The following CHLSN variants were observed in gnomAD, a reference collection of about 807,000 sequenced individuals.
The protein encoded by CHLSN is cholesin.
the CHLSN span, among the ~76,000 whole-genome samples, chr7:1,019,212 C>CGGGG: frequency 5.3e-5 from 1 of 18,782 alleles, no homozygotes; most frequent in Non-Finnish European, 1.2e-4. Flanking sequence ...AAAAAAAAAA[C>CGGGG]GGGGGGGGGG....
the CHLSN span, among the ~76,000 whole-genome samples, chr7:1,135,930 A>AAT: frequency 5.8e-3 from 709 of 121,904 alleles, 7 homozygotes; most frequent in Middle Eastern, 0.028. Context: ...AGTATATATA[A>AAT]ATATATAAGT....
chr7:1,006,274 C>G, the CHLSN span, among the ~76,000 whole-genome samples: 140 of 152,256 alleles, frequency 9.2e-4, no homozygotes, highest in African/African-American at 3.1e-3. Flanking sequence ...GCTGGGAAAA[C>G]GAGGGGACAG....
chr7:1,132,431 G>A, the CHLSN span, among the ~76,000 whole-genome samples: 6 of 152,218 alleles, frequency 3.9e-5, no homozygotes, highest in Middle Eastern at 6.8e-3. Context: ...TGTGGCTCAC[G>A]CCTCTAATCC....
the CHLSN span, among the ~76,000 whole-genome samples, chr7:1,067,894 T>G: frequency 0.06 from 8,341 of 139,860 alleles, 368 homozygotes; most frequent in Non-Finnish European, 0.081. Flanking sequence ...TCACACAGGC[T>G]GGAGTGCACC....
the CHLSN span, chr7:1,127,481 TAA>T: frequency 1.6e-3 from 1,423 of 910,848 alleles, no homozygotes; most frequent in South Asian, 2.0e-3. Flanking sequence ...ACTCTCCCAT[TAA>T]AAAAAAAAAA....
chr7:1,111,909 G>A, the CHLSN span, among the ~76,000 whole-genome samples: 3 of 152,136 alleles, frequency 2.0e-5, no homozygotes, highest in East Asian at 1.9e-4. Flanking sequence ...CTCAGCACAC[G>A]CGGCTGCTAC....
chr7:1,110,556 G>GC, the CHLSN span, among the ~76,000 whole-genome samples: 1 of 152,240 alleles, frequency 6.6e-6, no homozygotes, highest in African/African-American at 2.4e-5. Context: ...CAGAGCGGGA[G>GC]CGGGTGTCGG....
At chr7:1,092,736 G>A in the CHLSN span, 8 of 1,613,490 alleles carry the variant, frequency 5.0e-6, no homozygotes, top group Admixed American at 6.7e-5. Context: ...ACAAGCTGAG[G>A]CTGTACATTG....
At chr7:1,093,727 T>C in the CHLSN span, 2 of 460,552 alleles carry the variant, frequency 4.3e-6, no homozygotes, top group Admixed American at 2.4e-5. Flanking sequence ...GCGGTGATGA[T>C]GTAAAAACCT....
chr7:1,070,691 TGCACACGCGAGCACATGAACACGCACAC>T, the CHLSN span, among the ~76,000 whole-genome samples: 1 of 122,190 alleles, frequency 8.2e-6, no homozygotes, highest in Admixed American at 8.5e-5. Context: ...ACGATACACA[TGCACACGCGAGCACATGAACACGCACAC>T]GCGCACACAT....
At chr7:998,104 CAG>C in the CHLSN span, among the ~76,000 whole-genome samples, 11 of 152,194 alleles carry the variant, frequency 7.2e-5, no homozygotes, top group East Asian at 5.8e-4. Flanking sequence ...ACAAATTAAA[CAG>C]GGGTAGGCGG....
chr7:1,136,303 TATAA>T, the CHLSN span, among the ~76,000 whole-genome samples: 2 of 116,012 alleles, frequency 1.7e-5, no homozygotes, highest in African/African-American at 3.6e-5. Context: ...TATAAACATA[TATAA>T]ATATATATAA....
the CHLSN span, among the ~76,000 whole-genome samples, chr7:1,113,924 G>A: frequency 3.3e-5 from 5 of 152,244 alleles, no homozygotes; most frequent in African/African-American, 1.2e-4. Flanking sequence ...TCTCCAGGGA[G>A]CGAATGGAGA....
At chr7:1,101,965 G>C in the CHLSN span, among the ~76,000 whole-genome samples, 1 of 152,256 alleles carries the variant, frequency 6.6e-6, no homozygotes. Context: ...CCAGGAACAA[G>C]CTGCAGTGCC....
chr7:1,137,515 T>A, the CHLSN span: 1 of 152,284 alleles, frequency 6.6e-6, no homozygotes, highest in African/African-American at 2.4e-5. Flanking sequence ...TGATGGAAAG[T>A]GAGGCCAAGC....
At chr7:1,075,608 C>CTTT in the CHLSN span, among the ~76,000 whole-genome samples, 1 of 136,360 alleles carries the variant, frequency 7.3e-6, no homozygotes, top group African/African-American at 2.7e-5. Context: ...AATCGGGTCA[C>CTTT]TTTTTTTTTT....
the CHLSN span, among the ~76,000 whole-genome samples, chr7:981,058 G>A: frequency 6.6e-6 from 1 of 151,890 alleles, no homozygotes; most frequent in African/African-American, 2.4e-5. Context: ...TGCTTTGGGA[G>A]GCCAAGGCAG....
chr7:1,041,491 C>A, the CHLSN span, among the ~76,000 whole-genome samples: 1 of 152,150 alleles, frequency 6.6e-6, no homozygotes, highest in Non-Finnish European at 1.5e-5. Context: ...ATGTTACTGC[C>A]GTTTATGGGG....
At chr7:1,015,945 C>T in the CHLSN span, among the ~76,000 whole-genome samples, 3 of 152,184 alleles carry the variant, frequency 2.0e-5, no homozygotes, top group African/African-American at 7.2e-5. Context: ...CCTGACGCCC[C>T]TCAGTGACCC....
Sources: gnomAD v4.1 joint callset for allele counts (sites outside exome capture counted in the v4.1 genomes callset) on GRCh38, gnomAD v4.1.1 for gene constraint, MANE v1.5 for transcripts, NCBI Gene and HGNC (gene_info 2026-07-23, HGNC 2026-07-21) for gene names.